The following ATG5 variants were observed in gnomAD, a reference collection of about 807,000 sequenced individuals.
ATG5 encodes autophagy protein 5.
In ATG5, 14 loss-of-function variants were observed where a neutral mutation model predicts 36.5. The ratio of observed to expected loss-of-function variants is 0.38; its 90% confidence interval spans 0.25 to 0.60. ATG5 has a LOEUF of 0.60. ATG5 is among the 20% of genes least tolerant of loss of function. The pLI is 0.60. For synonymous variants in ATG5, 95 were observed against 101.5 expected (o/e 0.94, Z 0.38); for missense variants, 195 against 326.7 (o/e 0.60, Z 3.11).
At chr6:106,237,617 T>C (rs1448783632) in intron 6 of ATG5, among the ~76,000 whole-genome samples, 1 of 152,210 alleles carries the variant, frequency 6.6e-6, no homozygotes, top group South Asian at 2.1e-4. Flanking sequence ...ATAATACAGA[T>C]TTTAAAAATC....
At chr6:106,247,842 G>C (rs1778406064) in intron 6 of ATG5, among the ~76,000 whole-genome samples, 1 of 152,174 alleles carries the variant, frequency 6.6e-6, no homozygotes, top group South Asian at 2.1e-4. Flanking sequence ...AGCATCAGGT[G>C]AATCAATTTT....
At chr6:106,193,384 T>G (rs941736570) in intron 7 of ATG5, among the ~76,000 whole-genome samples, 1 of 152,202 alleles carries the variant, frequency 6.6e-6, no homozygotes, top group African/African-American at 2.4e-5. Flanking sequence ...GCTTTGACTC[T>G]TAACATTTTA....
chr6:106,241,556 C>T (rs1041163527), intron 6 of ATG5, among the ~76,000 whole-genome samples: 2 of 152,196 alleles, frequency 1.3e-5, no homozygotes, highest in African/African-American at 4.8e-5. Context: ...GTCAATTCAA[C>T]TGGGCCAGAA....
At chr6:106,324,573 C>T (rs947846806) in intron 1 of ATG5, among the ~76,000 whole-genome samples, 5 of 152,166 alleles carry the variant, frequency 3.3e-5, no homozygotes, top group African/African-American at 1.2e-4. Flanking sequence ...TGTCCAGTGC[C>T]TAACACATAG....
chr6:106,229,927 A>C (rs1437196946), intron 6 of ATG5, among the ~76,000 whole-genome samples: 1 of 152,274 alleles, frequency 6.6e-6, no homozygotes, highest in Non-Finnish European at 1.5e-5. Flanking sequence ...AAAATATTAA[A>C]GTATGGGGCT....
At chr6:106,229,886 C>A (rs1474339140) in intron 6 of ATG5, among the ~76,000 whole-genome samples, 1 of 151,974 alleles carries the variant, frequency 6.6e-6, no homozygotes, top group Non-Finnish European at 1.5e-5. Context: ...TATTCTAAGT[C>A]AAAAAAGCAA....
intron 7 of ATG5, among the ~76,000 whole-genome samples, chr6:106,190,047 T>C (rs775749935): frequency 6.6e-6 from 1 of 152,182 alleles, no homozygotes; most frequent in Non-Finnish European, 1.5e-5. Context: ...CAATAAAAAA[T>C]ACTGATATAC....
At chr6:106,281,281 T>C (rs557662936) in intron 4 of ATG5, among the ~76,000 whole-genome samples, 2 of 152,312 alleles carry the variant, frequency 1.3e-5, no homozygotes, top group African/African-American at 2.4e-5. Context: ...AATGAGTAAC[T>C]GTCAGCCCAA....
chr6:106,301,572 GAACA>G (rs1452550071), intron 3 of ATG5, among the ~76,000 whole-genome samples: 2 of 151,902 alleles, frequency 1.3e-5, no homozygotes, highest in Non-Finnish European at 2.9e-5. Flanking sequence ...TTCATTCACT[GAACA>G]AACATTTACT....
intron 7 of ATG5, among the ~76,000 whole-genome samples, chr6:106,199,403 T>C (rs1241243837): frequency 6.6e-6 from 1 of 152,186 alleles, no homozygotes; most frequent in Non-Finnish European, 1.5e-5. Context: ...CTATGGACAC[T>C]TGCTTCAATA....
rs1363831968 is a variant in ATG5, at chr6:106,275,061, A to G, written c.478+4600T>C. ...ACTAGCCCCTAGCATAATGTCAGAT[A>G]TACACAAGGTGCTCAATAAATATCT... On this transcript the variant is annotated intron_variant, in intron 5 of 7. Transcript: ENST00000369076. 2.0e-5 allele frequency among the ~76,000 whole-genome samples: 3 copies of G among 152,236 alleles called. No homozygotes were observed. In the East Asian group the frequency reaches 5.8e-4, roughly 29 times the overall value.
chr6:106,184,992 T>G lies in ATG5; in HGVS notation c.*1548A>C, dbSNP rs533175775. 6.6e-6 allele frequency: 1 copy of G among 152,488 alleles called. No individual in the cohort carries two copies. The highest frequency in any genetic ancestry group is 2.4e-5 in the African/African-American group (1 of 41,590). 9.4% of individuals were successfully genotyped at this position (152,488 alleles called of 1,614,324 possible). A position where few individuals can be genotyped will look rare whatever the true frequency, so the allele number is the denominator to read the frequency against. ...CATAACTCAAATATTGCTATTTTTT[T>G]CCTGCCTTTACTAAAATGGCACTTT... On this transcript the variant is annotated 3_prime_UTR_variant, in exon 8 of 8. Transcript: ENST00000369076.
At chr6:106,322,783 T>G (rs1320705513) in intron 1 of ATG5, among the ~76,000 whole-genome samples, 1 of 152,200 alleles carries the variant, frequency 6.6e-6, no homozygotes, top group Non-Finnish European at 1.5e-5. Flanking sequence ...ACTCCCACAG[T>G]TTTATCTTCT....
intron 1 of ATG5, among the ~76,000 whole-genome samples, chr6:106,325,074 A>C (rs1231142768): frequency 6.6e-6 from 1 of 152,290 alleles, no homozygotes; most frequent in African/African-American, 2.4e-5. Flanking sequence ...TCTTGCCAAC[A>C]GAAAATGTCT....
intron 5 of ATG5, among the ~76,000 whole-genome samples, chr6:106,258,432 T>C (rs968094543): frequency 2.6e-5 from 4 of 151,758 alleles, no homozygotes; most frequent in African/African-American, 7.3e-5. Context: ...GAGTGAGAAA[T>C]AGGGAAAAGC....
At chr6:106,210,056 C>A (rs1776797976) in intron 6 of ATG5, among the ~76,000 whole-genome samples, 1 of 152,192 alleles carries the variant, frequency 6.6e-6, no homozygotes, top group Non-Finnish European at 1.5e-5. Flanking sequence ...TAGTCTACAA[C>A]AATGACTTTT....
intron 3 of ATG5, among the ~76,000 whole-genome samples, chr6:106,299,032 G>A (rs1352903509): frequency 1.3e-5 from 2 of 152,066 alleles, no homozygotes; most frequent in South Asian, 2.1e-4. Flanking sequence ...AAATCATAAC[G>A]TAACCATTGG....
chr6:106,302,394 G>A (rs1008796636), intron 3 of ATG5, among the ~76,000 whole-genome samples: 47 of 151,988 alleles, frequency 3.1e-4, no homozygotes, highest in African/African-American at 1.1e-3. Flanking sequence ...GTAGATGATG[G>A]TAAGTCAGAA....
At chr6:106,241,953 G>A (rs1289017948) in intron 6 of ATG5, among the ~76,000 whole-genome samples, 1 of 151,868 alleles carries the variant, frequency 6.6e-6, no homozygotes, top group Non-Finnish European at 1.5e-5. Flanking sequence ...CCACCATGAT[G>A]GTTCTGTTTC....
Sources: gnomAD v4.1 joint callset for allele counts (sites outside exome capture counted in the v4.1 genomes callset) on GRCh38, gnomAD v4.1.1 for gene constraint, MANE v1.5 for transcripts, NCBI Gene and HGNC (gene_info 2026-07-23, HGNC 2026-07-21) for gene names.